COL13A1: variants seen among roughly 807,000 people sequenced by gnomAD.
The protein encoded by COL13A1 is collagen alpha-1(XIII) chain.
Under a neutral mutation model 130.9 loss-of-function variants are expected in COL13A1, and 89 were observed. The ratio of observed to expected loss-of-function variants is 0.68; its 90% CI spans 0.57 to 0.81. COL13A1 has a LOEUF of 0.81. COL13A1 is among the 30% of genes least tolerant of loss of function. The pLI is 0.00. For synonymous variants in COL13A1, 402 were observed against 341.6 expected (o/e 1.18, Z -1.95); for missense variants, 879 against 934.6 (o/e 0.94, Z 0.78).
chr10:69,889,333 C>A (rs1020776534), intron 9 of COL13A1, 81 bp from the exon 10 acceptor site: 183 of 1,529,150 alleles, frequency 1.2e-4, no homozygotes, highest in Non-Finnish European at 1.6e-4. Context: ...GCACAGGGGG[C>A]AGGGAGGAGC....
At position 69,935,405 on chromosome 10, in the gene COL13A1, G is replaced by T; in HGVS notation, c.1770+14G>T. ...CCCGGACCTCCGGTAAGTTTGGAGG[G>T]CTTGTCAGTGGCCAGTCCACTAATG... On this transcript the variant is annotated intron_variant, in intron 32 of 40. Coordinates refer to ENST00000645393, the MANE Select transcript of COL13A1 (RefSeq NM_001368882.1). The T allele has an allele frequency of 6.5e-7, 1 of 1,544,472 alleles. No individual in the cohort carries two copies. Among genetic ancestry groups the T allele is most frequent in the South Asian group, 1.2e-5 (1 of 81,392 alleles).
At chr10:69,874,860 G>A (rs1341801201) in intron 4 of COL13A1, among the ~76,000 whole-genome samples, 1 of 152,196 alleles carries the variant, frequency 6.6e-6, no homozygotes, top group Non-Finnish European at 1.5e-5. Context: ...TGAGGCCCAG[G>A]CTGGGACCAG....
At chr10:69,832,995 C>T (rs61849200) in intron 2 of COL13A1, among the ~76,000 whole-genome samples, 2 of 152,194 alleles carry the variant, frequency 1.3e-5, no homozygotes, top group African/African-American at 2.4e-5. Flanking sequence ...AGTAGGAGAA[C>T]GAGGGGCAAC....
chr10:69,881,425 A>G (rs1180488124), intron 7 of COL13A1, among the ~76,000 whole-genome samples: 1 of 152,088 alleles, frequency 6.6e-6, no homozygotes, highest in Non-Finnish European at 1.5e-5. Context: ...GAGGGGTGGG[A>G]GCAGAGGGCT....
In COL13A1 at chr10:69,802,563, T is replaced by G. The variant is rs1300816160; in HGVS notation, c.140T>G (p.Leu47Arg). Residue 47 changes from leucine to arginine, a missense_variant, in exon 1 of 41, where the codon CTG (leucine) becomes CGG (arginine). Around this residue, in one of 3 missense-constraint regions of COL13A1, gnomAD observed 715 missense variants for 721.0 expected, o/e 0.99. Transcript: ENST00000645393. ...ARLPSPGSCG[L>R]LTLALCSLAL... ...CTGCCGAGTCCAGGGTCGTGCGGGC[T>G]GCTGACGCTGGCCCTCTGCTCGCTG... is the stretch of plus-strand genomic sequence containing the variant. 6.2e-7 allele frequency: 1 copy of G among 1,609,912 alleles called. No homozygotes were observed. Among genetic ancestry groups the G allele is most frequent in the South Asian group, 1.1e-5 (1 of 90,854 alleles).
At chr10:69,944,264 C>A in intron 36 of COL13A1, 86 bp downstream of exon 36, 2 of 1,111,652 alleles carry the variant, frequency 1.8e-6, no homozygotes, top group Non-Finnish European at 2.7e-6. Context: ...GCCCTCATGC[C>A]TTCCTTCTTC....
intron 1 of COL13A1, among the ~76,000 whole-genome samples, chr10:69,813,798 C>T (rs1400204441): frequency 6.6e-6 from 1 of 152,216 alleles, no homozygotes; most frequent in Non-Finnish European, 1.5e-5. Context: ...CCTTTAACCC[C>T]TTTGGTGGAG....
At chr10:69,803,463 A>G (rs544179594) in intron 1 of COL13A1, among the ~76,000 whole-genome samples, 1 of 152,288 alleles carries the variant, frequency 6.6e-6, no homozygotes, top group East Asian at 1.9e-4. Flanking sequence ...GGAAGGAGGG[A>G]CATGCAGCCT....
intron 31 of COL13A1, 132 bp from the exon 32 acceptor site, chr10:69,935,218 C>A: frequency 1.4e-6 from 1 of 735,732 alleles, no homozygotes; most frequent in Non-Finnish European, 2.4e-6. Flanking sequence ...GGATACTGTG[C>A]TGGGCAGTCA....
At chr10:69,923,085 C>T (rs536457593) in intron 23 of COL13A1, among the ~76,000 whole-genome samples, 3 of 152,308 alleles carry the variant, frequency 2.0e-5, no homozygotes, top group Admixed American at 2.0e-4. Context: ...GCTGCAGGAC[C>T]TTCATGGCTA....
intron 17 of COL13A1, among the ~76,000 whole-genome samples, chr10:69,914,349 C>G (rs2063695034): frequency 6.6e-6 from 1 of 151,958 alleles, no homozygotes; most frequent in East Asian, 1.9e-4. Flanking sequence ...TTTGGCCTCT[C>G]TCCTTCCAAA....
chr10:69,826,765 G>A (rs1285388869), intron 2 of COL13A1, among the ~76,000 whole-genome samples: 1 of 152,094 alleles, frequency 6.6e-6, no homozygotes, highest in Non-Finnish European at 1.5e-5. Flanking sequence ...GGAGGTGGAG[G>A]TCTCCCTTCC....
Position 69,875,159 on chromosome 10 carries a change from G to A in COL13A1, c.431G>A (p.Arg144His), listed in dbSNP as rs183404680. 2.7e-4 allele frequency: 440 copies of A among 1,613,982 alleles called. 2 individuals carry two copies. In the African/African-American group the frequency reaches 4.8e-3, roughly 17 times the overall value. The change falls in exon 5 of 41, where the codon CGT becomes CAT. Residue 144 changes from arginine (R) to histidine (H), a missense_variant. Physicochemically the swap from Arg to His is conservative, Grantham distance 29 (BLOSUM62 0). Around this residue, in one of 3 missense-constraint regions of COL13A1, gnomAD observed 715 missense variants for 721.0 expected, o/e 0.99. Transcript: ENST00000645393. ...AAAGGTGCCATTGGGATGCCTGGAC[G>A]TGTGGTGAGTTGGCCCGTTTGTACC... Reference protein sequence around the residue: ...GDKGAIGMPGRVGVKGQPGEK... With the variant: ...GDKGAIGMPGHVGVKGQPGEK...
chr10:69,883,336 T>C (rs1464339769), intron 7 of COL13A1, among the ~76,000 whole-genome samples: 1 of 152,152 alleles, frequency 6.6e-6, no homozygotes. Flanking sequence ...CCATTCCCTC[T>C]CTGAGCTCTC....
rs2763341 is a variant in COL13A1, at chr10:69,822,699, G to A, written c.364+261G>A. ...CTTTGAACCAGGTTGTGGTGAAGTC[G>A]GATAAGATGATGGGCATGACTGTTT... is the stretch of plus-strand genomic sequence containing the variant. On this transcript the variant is annotated intron_variant, in intron 2 of 40. Coordinates refer to ENST00000645393, the MANE Select transcript of COL13A1 (RefSeq NM_001368882.1). Among the ~76,000 whole-genome samples the A allele has an allele frequency of 0.8, 121,183 of 152,202 alleles. 48,388 individuals carry two copies. Among genetic ancestry groups the A allele is most frequent in the South Asian group, 0.89 (4,309 of 4,824 alleles).
At chr10:69,944,250 C>A in intron 36 of COL13A1, 72 bp downstream of exon 36, 1 of 1,274,550 alleles carries the variant, frequency 7.8e-7, no homozygotes, top group Non-Finnish European at 1.1e-6. Context: ...CACCAGGGGT[C>A]TCAGCCCTCA....
At chr10:69,878,266 C>T (rs969020483) in intron 6 of COL13A1, among the ~76,000 whole-genome samples, 3 of 152,200 alleles carry the variant, frequency 2.0e-5, no homozygotes, top group South Asian at 2.1e-4. Flanking sequence ...TCCTGGGCGG[C>T]GGTCCCAGCT....
chr10:69,951,839 T>G (rs2069613229), intron 38 of COL13A1, among the ~76,000 whole-genome samples: 1 of 152,214 alleles, frequency 6.6e-6, no homozygotes, highest in Admixed American at 6.5e-5. Flanking sequence ...GTGACACAGT[T>G]GAAGTCCCCA....
intron 27 of COL13A1, 142 bp from the exon 28 acceptor site, chr10:69,928,795 T>G (rs372122278): frequency 4.7e-5 from 27 of 569,990 alleles, no homozygotes; most frequent in African/African-American, 3.2e-4. Context: ...TTATTTTCTT[T>G]GCAAAAAATG....
Sources: gnomAD v4.1 joint callset for allele counts (sites outside exome capture counted in the v4.1 genomes callset) on GRCh38, gnomAD v4.1.1 for gene constraint, gnomAD v4.1.1 regional missense constraint, MANE v1.5 for transcripts, NCBI Gene and HGNC (gene_info 2026-07-23, HGNC 2026-07-21) for gene names.